CYP2R1: variants seen among roughly 807,000 people sequenced by gnomAD.
CYP2R1 encodes cytochrome P450 family 2 subfamily R member 1, also known as vitamin D 25-hydroxylase.
A neutral mutation model predicts 45.7 loss-of-function variants in CYP2R1; 40 were observed. That is an observed-to-expected ratio of 0.87 (90% confidence interval 0.68 to 1.14). The LOEUF (loss-of-function observed/expected upper bound fraction) is 1.14, where lower values mean the gene tolerates loss of function less well. Ranked by LOEUF, CYP2R1 falls within the 50% of genes most tolerant of loss-of-function variation. The probability of loss-of-function intolerance (pLI) is 0.00; values close to 1 mark genes in which losing one functional copy is unlikely to be tolerated. For synonymous variants in CYP2R1, 234 were observed against 219.3 expected (o/e 1.07, Z -0.59); for missense variants, 605 against 602.6 (o/e 1.00, Z -0.04).
At chr11:14,887,505 T>C in intron 1 of CYP2R1, 2 of 784,608 alleles carry the variant, frequency 2.5e-6, no homozygotes, top group Non-Finnish European at 3.1e-6. Flanking sequence ...ACTGCTTTGA[T>C]CTATGGAAGG....
chr11:14,887,477 G>T, intron 1 of CYP2R1: 1 of 575,576 alleles, frequency 1.7e-6, no homozygotes, highest in Non-Finnish European at 2.2e-6. Flanking sequence ...GACTCAAATT[G>T]TGAAAACTTA....
Position 14,880,158 on chromosome 11 carries a change from C to T in CYP2R1, c.978G>A (p.Met326Ile). The T allele has an allele frequency of 6.2e-7, 1 of 1,612,590 alleles. No homozygotes were observed. Among genetic ancestry groups the T allele is most frequent in the Non-Finnish European group, 8.5e-7 (1 of 1,179,190 alleles). Residue 326 changes from methionine to isoleucine, a missense_variant, in exon 3 of 5, where the codon ATG becomes ATA. Coordinates refer to ENST00000334636, the MANE Select transcript of CYP2R1 (RefSeq NM_024514.5). Reference sequence around the variant, plus strand: ...CACCTTGAATATTAGGATAAAGGGCCATGAAAAGAATCGCCCACCGTAGCA... The same window carrying T: ...CACCTTGAATATTAGGATAAAGGGCTATGAAAAGAATCGCCCACCGTAGCA... Reference protein sequence around the residue: ...TNVLRWAILFMALYPNIQGQV... With the variant: ...TNVLRWAILFIALYPNIQGQV...
At chr11:14,891,859 C>T in intron 1 of CYP2R1, 122 bp downstream of exon 1, 2 of 1,407,148 alleles carry the variant, frequency 1.4e-6, no homozygotes, top group Middle Eastern at 2.6e-4. Context: ...CAAAGGGCAG[C>T]CGGCACACGG....
At chr11:14,879,649 A>G (rs1337925399) in intron 3 of CYP2R1, among the ~76,000 whole-genome samples, 2 of 150,532 alleles carry the variant, frequency 1.3e-5, no homozygotes, top group Admixed American at 6.6e-5. Flanking sequence ...CTGATAACCT[A>G]TAACAAGCCA....
In CYP2R1 at chr11:14,878,044, C is replaced by T. The variant is rs1469322647; in HGVS notation, c.*78G>A. 1 of 1,473,130 alleles carries T rather than the reference C, an allele frequency of 6.8e-7. No homozygotes were observed. The allele number at this position is 1,473,130 out of a possible 1,614,324, so 91.3% of individuals were successfully genotyped here. The stretch of plus-strand genomic sequence containing the variant: ...TGATGCTGTGACTTTTATTCTAATA[C>T]ACACATTGATTTGATTAAACCAAGT... On this transcript the variant is annotated 3_prime_UTR_variant, in exon 5 of 5. Coordinates refer to ENST00000334636, the MANE Select transcript of CYP2R1 (RefSeq NM_024514.5).
chr11:14,884,074 C>T (rs1471490214), intron 2 of CYP2R1, among the ~76,000 whole-genome samples: 1 of 152,076 alleles, frequency 6.6e-6, no homozygotes, highest in African/African-American at 2.4e-5. Flanking sequence ...TACTTTTACA[C>T]TGTTGGTGGG....
At position 14,885,764 on chromosome 11, in the gene CYP2R1, A is replaced by C. The variant is rs1555014206; in HGVS notation, c.367+12T>G. ...TCTTAGTAAATCACTAAATAGGTGCAAATAAACATACCTCCCATTTTTGTC... is the reference window on the plus strand; with the variant it reads ...TCTTAGTAAATCACTAAATAGGTGCCAATAAACATACCTCCCATTTTTGTC... On this transcript the variant is annotated intron_variant, in intron 2 of 4. Transcript: ENST00000334636. The C allele has an allele frequency of 1.7e-5, 27 of 1,611,438 alleles. No individual in the cohort carries two copies. The highest frequency in any genetic ancestry group is 2.2e-5 in the Non-Finnish European group (26 of 1,179,310).
intron 3 of CYP2R1, among the ~76,000 whole-genome samples, chr11:14,879,815 T>C (rs1848306377): frequency 6.6e-6 from 1 of 152,136 alleles, no homozygotes; most frequent in Non-Finnish European, 1.5e-5. Flanking sequence ...ATACCTAGAA[T>C]TGGAGTAAGA....
Position 14,892,081 on chromosome 11 carries a change from C to T in CYP2R1, c.125G>A (p.Gly42Glu), listed in dbSNP as rs1479900847. The T allele has an allele frequency of 1.9e-6, 3 of 1,611,842 alleles. No homozygotes were observed. The African/African-American group carries it at 4.0e-5, about 21-fold the overall frequency. ...GCCGATAAATGGCAGCCCCGGCGGC[C>T]CCGGGGGGAAGCCCATCGGCCGCCT... ...KQRRPMGFPP[G>E]PPGLPFIGNI... Residue 42 changes from glycine (G) to glutamate (E), a missense_variant, in exon 1 of 5, where the codon GGG (glycine) becomes GAG (glutamate). Gly to Glu is a moderately conservative substitution (Grantham distance 98). Transcript: ENST00000334636.
chr11:14,879,318 G>T lies in CYP2R1; in HGVS notation c.1126C>A (p.Pro376Thr). 1 of 1,613,046 alleles carries T rather than the reference G, an allele frequency of 6.2e-7. No homozygotes were observed. The change falls in exon 4 of 5, where the codon CCA (proline) becomes ACA (threonine). Residue 376 changes from proline to threonine, a missense_variant. By Grantham distance (38) the Pro-to-Thr change is conservative. Coordinates refer to ENST00000334636, the MANE Select transcript of CYP2R1 (RefSeq NM_024514.5). The stretch of plus-strand genomic sequence containing the variant: ...GAGGTTGCATGGAAAATCCCTAATG[G>T]AACTATATTACAGAATCTTAAAACT... Reference protein sequence around the residue: ...HEVLRFCNIVPLGIFHATSED... With the variant: ...HEVLRFCNIVTLGIFHATSED...
chr11:14,879,005 G>C, intron 4 of CYP2R1, 109 bp downstream of exon 4: 2 of 891,380 alleles, frequency 2.2e-6, no homozygotes, highest in South Asian at 3.0e-5. Context: ...TGTGTTTTTA[G>C]AATTGGGATA....
chr11:14,890,519 T>C (rs529592113), intron 1 of CYP2R1: 93 of 362,462 alleles, frequency 2.6e-4, no homozygotes, highest in African/African-American at 2.1e-3. Flanking sequence ...CTTTCTATTC[T>C]AGAAACCTAG....
Position 14,892,181 on chromosome 11 carries a change from C to A in CYP2R1, c.25G>T (p.Glu9Ter), listed in dbSNP as rs1451931971. 1 of 1,610,528 alleles carries A rather than the reference C, an allele frequency of 6.2e-7. No homozygotes were observed. Among genetic ancestry groups the A allele is most frequent in the South Asian group, 1.1e-5 (1 of 90,990 alleles). The change falls in exon 1 of 5, where the codon GAG (glutamate) becomes TAG (stop). Residue 9 changes from glutamate to a stop codon, truncating the protein, a stop_gained. Coordinates refer to ENST00000334636, the MANE Select transcript of CYP2R1 (RefSeq NM_024514.5). LOFTEE classifies it high-confidence loss of function. ...GCGCCGCCGAGCGCCGCCGCGCCCT[C>A]TTCAGCTCTCCAAAGCTTCCACATC... MWKLWRAEEGAAALGGALF... is the reference protein window; with the variant it reads MWKLWRAE
chr11:14,891,956 T>G (rs782440146), intron 1 of CYP2R1, 25 bp downstream of exon 1: 2 of 1,609,164 alleles, frequency 1.2e-6, no homozygotes, highest in East Asian at 4.5e-5. Flanking sequence ...CGGCCCTCCC[T>G]GCCCGGGGCC....
intron 1 of CYP2R1, chr11:14,890,505 G>A: frequency 1.1e-5 from 5 of 469,872 alleles, no homozygotes; most frequent in South Asian, 9.6e-5. Context: ...TAAACCATTA[G>A]TGACTTTCTA....
intron 4 of CYP2R1, among the ~76,000 whole-genome samples, chr11:14,878,583 G>C (rs1428724992): frequency 1.3e-5 from 2 of 152,064 alleles, no homozygotes; most frequent in African/African-American, 4.8e-5. Flanking sequence ...TGCCACAAAA[G>C]ATCTAATTTG....
At chr11:14,891,853 G>GC (rs1848870723) in intron 1 of CYP2R1, 128 bp downstream of exon 1, 1 of 1,414,658 alleles carries the variant, frequency 7.1e-7, no homozygotes, top group Non-Finnish European at 9.4e-7. Context: ...GTCCCTCAAA[G>GC]GGCAGCCGGC....
rs375228883 is a variant in CYP2R1, at chr11:14,891,971, G to A, written c.225+10C>T. The A allele has an allele frequency of 2.2e-4, 358 of 1,612,222 alleles. 1 individual carries two copies. The African/African-American group carries it at 4.3e-3, about 19-fold the overall frequency. On this transcript the variant is annotated intron_variant, in intron 1 of 4. Transcript: ENST00000334636. ...CGGCCCTCCCTGCCCGGGGCCCGTC[G>A]GGGCTGTACCTCTCCGTACACCTGG...
At chr11:14,880,823 TGAAAGGGA>T in intron 2 of CYP2R1, 55 bp from the exon 3 acceptor site, 1 of 1,523,562 alleles carries the variant, frequency 6.6e-7, no homozygotes, top group Non-Finnish European at 8.8e-7. Flanking sequence ...ATCTAAAAAA[TGAAAGGGA>T]ACAAAATTTT....
Sources: gnomAD v4.1 joint callset for allele counts (sites outside exome capture counted in the v4.1 genomes callset) on GRCh38, gnomAD v4.1.1 for gene constraint, MANE v1.5 for transcripts, NCBI Gene and HGNC (gene_info 2026-07-23, HGNC 2026-07-21) for gene names.